ZNF385B: variants seen among roughly 807,000 people sequenced by gnomAD.
ZNF385B encodes the protein zinc finger protein 533.
ZNF385B carries 23 observed loss-of-function variants against 39.2 expected under a neutral mutation model. The ratio of observed to expected loss-of-function variants is 0.59; its 90% CI spans 0.42 to 0.83. The LOEUF (loss-of-function observed/expected upper bound fraction) is 0.83, where lower values mean the gene tolerates loss of function less well. ZNF385B is among the 40% of genes least tolerant of loss of function. The pLI is 0.00. For synonymous variants in ZNF385B, 205 were observed against 222.6 expected, an observed-to-expected ratio of 0.92 and a Z score of 0.70; for missense variants, 552 against 598.9, an observed-to-expected ratio of 0.92 and a Z score of 0.82.
chr2:179,584,534 G>GGC (rs1686882484), intron 3 of ZNF385B, among the ~76,000 whole-genome samples: 1 of 152,154 alleles, frequency 6.6e-6, no homozygotes, highest in South Asian at 2.1e-4. Flanking sequence ...GTATCAGGAA[G>GGC]GCCTCTGAGC....
In ZNF385B at chr2:179,721,447, A is replaced by T. The variant is rs150381929; in HGVS notation, c.298+48056T>A. Among the ~76,000 whole-genome samples the T allele has an allele frequency of 7.2e-3, 1,089 of 152,230 alleles. 11 individuals carry two copies. The highest frequency in any genetic ancestry group is 0.024 in the African/African-American group (987 of 41,566). ...CACAAATTTTCATCCAAAGAATGAA[A>T]AAGGAAGACATATTTCTTAACTTAC... is the stretch of plus-strand genomic sequence containing the variant. On this transcript the variant is annotated intron_variant, in intron 3 of 9. Coordinates refer to ENST00000410066, the MANE Select transcript of ZNF385B (RefSeq NM_152520.6).
chr2:179,778,494 GA>G (rs955977147), intron 1 of ZNF385B, among the ~76,000 whole-genome samples: 1 of 152,164 alleles, frequency 6.6e-6, no homozygotes, highest in African/African-American at 2.4e-5. Context: ...ATAGGCAATT[GA>G]ATGGATGGAT....
At chr2:179,688,849 C>T (rs1018889697) in intron 3 of ZNF385B, among the ~76,000 whole-genome samples, 2 of 152,126 alleles carry the variant, frequency 1.3e-5, no homozygotes, top group African/African-American at 2.4e-5. Flanking sequence ...ACCCTGGTAA[C>T]CATGATAAAT....
chr2:179,610,022 C>T (rs1689157912), intron 3 of ZNF385B, among the ~76,000 whole-genome samples: 1 of 152,070 alleles, frequency 6.6e-6, no homozygotes, highest in Non-Finnish European at 1.5e-5. Flanking sequence ...ATCTCCTCAC[C>T]TTGTTGATTG....
intron 3 of ZNF385B, among the ~76,000 whole-genome samples, chr2:179,753,157 G>T (rs957047622): frequency 6.6e-6 from 1 of 152,114 alleles, no homozygotes; most frequent in African/African-American, 2.4e-5. Context: ...CATATGGTTA[G>T]CCAATTTGCC....
chr2:179,743,390 CTG>C (rs983429990), intron 3 of ZNF385B, among the ~76,000 whole-genome samples: 19 of 152,034 alleles, frequency 1.2e-4, no homozygotes, highest in African/African-American at 4.6e-4. Flanking sequence ...ATATTACACT[CTG>C]TATTTCAATA....
chr2:179,624,617 T>G (rs185531431), intron 3 of ZNF385B, among the ~76,000 whole-genome samples: 1 of 152,160 alleles, frequency 6.6e-6, no homozygotes, highest in Admixed American at 6.6e-5. Context: ...GAGTAAAAAA[T>G]TATTCCCATG....
intron 3 of ZNF385B, among the ~76,000 whole-genome samples, chr2:179,725,009 T>G (rs1476320581): frequency 6.6e-6 from 1 of 152,146 alleles, no homozygotes; most frequent in Non-Finnish European, 1.5e-5. Context: ...AGTATTTAAC[T>G]TGAGAAAAAT....
intron 5 of ZNF385B, among the ~76,000 whole-genome samples, chr2:179,484,609 G>A (rs529354527): frequency 6.6e-6 from 1 of 152,028 alleles, no homozygotes; most frequent in South Asian, 2.1e-4. Flanking sequence ...GTTGGTAGTT[G>A]GAAGCGATAG....
At chr2:179,586,130 C>A (rs1177817503) in intron 3 of ZNF385B, among the ~76,000 whole-genome samples, 5 of 152,166 alleles carry the variant, frequency 3.3e-5, no homozygotes, top group Admixed American at 3.3e-4. Context: ...TAGTTTCCAT[C>A]CCCATGTTCA....
intron 3 of ZNF385B, among the ~76,000 whole-genome samples, chr2:179,651,034 AG>A (rs1693150228): frequency 1.3e-5 from 2 of 152,202 alleles, no homozygotes; most frequent in South Asian, 4.1e-4. Flanking sequence ...TATTACTCGA[AG>A]AAAGGACATG....
intron 1 of ZNF385B, among the ~76,000 whole-genome samples, chr2:179,784,030 C>A (rs1704836003): frequency 2.0e-5 from 3 of 152,062 alleles, no homozygotes; most frequent in Non-Finnish European, 4.4e-5. Flanking sequence ...CATGAATATT[C>A]ACTGCAACAC....
chr2:179,641,633 C>T (rs1692277041), intron 3 of ZNF385B, among the ~76,000 whole-genome samples: 1 of 151,974 alleles, frequency 6.6e-6, no homozygotes, highest in Non-Finnish European at 1.5e-5. Context: ...AATTGAACCT[C>T]TATGGTTCCT....
At chr2:179,510,002 A>G (rs1168607327) in intron 5 of ZNF385B, among the ~76,000 whole-genome samples, 2 of 152,202 alleles carry the variant, frequency 1.3e-5, no homozygotes, top group African/African-American at 4.8e-5. Context: ...ATGAGAGGCT[A>G]CTATTTGCAT....
chr2:179,465,461 A>T (rs781685418), intron 6 of ZNF385B, among the ~76,000 whole-genome samples: 1 of 152,168 alleles, frequency 6.6e-6, no homozygotes, highest in South Asian at 2.1e-4. Flanking sequence ...CAAACTCAAC[A>T]TGCCTGATAC....
chr2:179,743,638 T>C (rs976548992), intron 3 of ZNF385B, among the ~76,000 whole-genome samples: 1 of 152,120 alleles, frequency 6.6e-6, no homozygotes, highest in Non-Finnish European at 1.5e-5. Context: ...CTAAATGTCC[T>C]GGTAATTTTG....
rs78202355 is a variant in ZNF385B, at chr2:179,530,442, G to T, written c.442-11804C>A. ...ACGAGCTCAAAAATATGTTACAAGG[G>T]CTTTCTAAGAGACTAGAGGAATAAT... On this transcript the variant is annotated intron_variant, in intron 4 of 9. Transcript: ENST00000410066. Among the ~76,000 whole-genome samples the T allele has an allele frequency of 6.8e-3, 1,034 of 152,160 alleles. 15 individuals are homozygous for T. Among genetic ancestry groups the T allele is most frequent in the African/African-American group, 0.024 (986 of 41,514 alleles).
chr2:179,724,954 T>C (rs1398457378), intron 3 of ZNF385B, among the ~76,000 whole-genome samples: 1 of 152,190 alleles, frequency 6.6e-6, no homozygotes, highest in Non-Finnish European at 1.5e-5. Context: ...ATTTTGAAAG[T>C]AAATTCTAAA....
At chr2:179,849,895 A>G (rs1395171814) in intron 1 of ZNF385B, among the ~76,000 whole-genome samples, 1 of 152,186 alleles carries the variant, frequency 6.6e-6, no homozygotes, top group African/African-American at 2.4e-5. Flanking sequence ...AAAGACTATC[A>G]AGGAGTTGAG....
Sources: gnomAD v4.1 joint callset for allele counts (sites outside exome capture counted in the v4.1 genomes callset) on GRCh38, gnomAD v4.1.1 for gene constraint, MANE v1.5 for transcripts, NCBI Gene and HGNC (gene_info 2026-07-23, HGNC 2026-07-21) for gene names.